Variants in UNC13D observed in about 807,000 individuals in gnomAD.
UNC13D encodes the protein unc-13 homolog D.
In UNC13D, 115 loss-of-function variants were observed where a neutral mutation model predicts 151.7. The ratio of observed to expected loss-of-function variants is 0.76; its 90% CI spans 0.65 to 0.88. The LOEUF (loss-of-function observed/expected upper bound fraction) is 0.88. Ranked by LOEUF, UNC13D falls within the 40% of genes least tolerant of loss-of-function variation. The pLI is 0.00. For synonymous variants in UNC13D, 588 were observed against 612.2 expected (o/e 0.96, Z 0.58); for missense variants, 1,369 against 1,438.7 (o/e 0.95, Z 0.78).
chr17:75,840,074 T>G lies in UNC13D; in HGVS notation c.895A>C (p.Thr299Pro), dbSNP rs2143891988. ...TGCTGCAGGAGGTGGAGGTGCACGG[T>G]GTAGCTCGGCTGCGAGCGGCTGGCC... Reference protein sequence around the residue: ...TSASRSQPSYTVHLHLLQQLV... With the variant: ...TSASRSQPSYPVHLHLLQQLV... Residue 299 changes from threonine (T) to proline (P), a missense_variant, in exon 11 of 32, where the codon ACC becomes CCC. Transcript: ENST00000207549. This position sits in a 1 kb window ranked among gnomAD's most constrained non-coding sequence, Gnocchi z 4.6. 6.2e-7 allele frequency: 1 copy of G among 1,613,486 alleles called. No individual in the cohort carries two copies. Among genetic ancestry groups the G allele is most frequent in the African/African-American group, 1.3e-5 (1 of 75,026 alleles).
Position 75,842,519 on chromosome 17 carries a change from C to A in UNC13D, c.483G>T (p.Val161=). 6.2e-7 allele frequency: 1 copy of A among 1,613,232 alleles called. No homozygotes were observed. Among genetic ancestry groups the A allele is most frequent in the African/African-American group, 1.3e-5 (1 of 75,066 alleles). ...TCTCCTCCTCGGGGATGGTGTGCCT[C>A]ACCACAGCCTTCTGCCGATGCCGGG... ...PGSRHRQKAV[V]RHTIPEEETH... The change falls in exon 6 of 32, where the codon GTG becomes GTT. Residue 161 remains valine, a synonymous_variant. Transcript: ENST00000207549.
chr17:75,844,072 G>C, intron 1 of UNC13D, 149 bp downstream of exon 1: 1 of 1,471,938 alleles, frequency 6.8e-7, no homozygotes, highest in South Asian at 1.3e-5. Flanking sequence ...TGCTGGCCCA[G>C]GGGGCTCTCC....
chr17:75,835,573 A>G (rs1301148095), intron 19 of UNC13D, 44 bp from the exon 20 acceptor site: 1 of 1,608,738 alleles, frequency 6.2e-7, no homozygotes. Context: ...TGGGGCCACC[A>G]TGGACCCTGG....
chr17:75,843,603 C>A, intron 1 of UNC13D, 84 bp from the exon 2 acceptor site: 1 of 1,569,874 alleles, frequency 6.4e-7, no homozygotes. Context: ...GAGGCCTGAT[C>A]CAGGCCAAGG....
In UNC13D at chr17:75,842,348, C is replaced by T. The variant is rs573071738; in HGVS notation, c.569+85G>A. The T allele has an allele frequency of 3.5e-5, 54 of 1,531,674 alleles. No individual in the cohort carries two copies. The East Asian group carries it at 6.5e-4, about 18-fold the overall frequency. 94.9% of individuals were successfully genotyped at this position (1,531,674 alleles called of 1,614,324 possible). ...CCAAACCCCCTCCCCTGAGCCAGGA[C>T]GACCTACTCATCTCATTGTCTGGGG... On this transcript the variant is annotated intron_variant, in intron 6 of 31. Coordinates refer to ENST00000207549, the MANE Select transcript of UNC13D (RefSeq NM_199242.3).
Position 75,840,250 on chromosome 17 carries a change from A to G in UNC13D, c.833T>C (p.Leu278Pro). 1.2e-6 allele frequency: 2 copies of G among 1,613,976 alleles called. No individual in the cohort carries two copies. Among genetic ancestry groups the G allele is most frequent in the Non-Finnish European group, 1.7e-6 (2 of 1,180,018 alleles). ...ETYPDRGQCHLQFQLIHKRRA... is the reference protein window; with the variant it reads ...ETYPDRGQCHPQFQLIHKRRA... ...CCGCTTATGGATGAGTTGGAACTGG[A>G]GGTGGCACTGGCCTCGGTCTGGGTA... Residue 278 changes from leucine (L) to proline (P), a missense_variant, in exon 10 of 32, where the codon CTC becomes CCC. Physicochemically the swap from Leu to Pro is moderately conservative, Grantham distance 98. Coordinates refer to ENST00000207549, the MANE Select transcript of UNC13D (RefSeq NM_199242.3). This position sits in a 1 kb window ranked among gnomAD's most constrained non-coding sequence, Gnocchi z 4.6.
At position 75,831,230 on chromosome 17, in the gene UNC13D, C is replaced by A. The variant is rs2064870273; in HGVS notation, c.2553+13G>T. 4.3e-6 allele frequency: 7 copies of A among 1,614,098 alleles called. No individual in the cohort carries two copies. Among genetic ancestry groups the A allele is most frequent in the Non-Finnish European group, 5.9e-6 (7 of 1,180,016 alleles). On this transcript the variant is annotated intron_variant, in intron 26 of 31. Transcript: ENST00000207549. ...CCCACCAGGGTTATCATTGCTGTGACCGGTTCTGTTACCTGCAGGGCAATC... is the reference window on the plus strand; with the variant it reads ...CCCACCAGGGTTATCATTGCTGTGAACGGTTCTGTTACCTGCAGGGCAATC...
At position 75,835,631 on chromosome 17, in the gene UNC13D, T is replaced by G. The variant is rs746781772; in HGVS notation, c.1727+16A>C. 6.2e-7 allele frequency: 1 copy of G among 1,613,040 alleles called. No homozygotes were observed. The highest frequency in any genetic ancestry group is 1.3e-5 in the African/African-American group (1 of 75,050). On this transcript the variant is annotated intron_variant, in intron 19 of 31. Coordinates refer to ENST00000207549, the MANE Select transcript of UNC13D (RefSeq NM_199242.3). ...CCTGTGCCCCTGCAGCCGCCCACAATTGGCCTGCTGCCCACCTCTCTGAGG... is the reference window on the plus strand; with the variant it reads ...CCTGTGCCCCTGCAGCCGCCCACAAGTGGCCTGCTGCCCACCTCTCTGAGG...
intron 25 of UNC13D, 45 bp from the exon 26 acceptor site, chr17:75,831,393 T>TGGC (rs774574066): frequency 1.3e-6 from 2 of 1,565,522 alleles, no homozygotes; most frequent in Non-Finnish European, 1.7e-6. Flanking sequence ...GGCAGGGCGG[T>TGGC]GGCGGAGGAG....
intron 12 of UNC13D, 102 bp from the exon 13 acceptor site, chr17:75,837,020 C>T: frequency 9.4e-7 from 1 of 1,058,704 alleles, no homozygotes; most frequent in Non-Finnish European, 1.4e-6. Context: ...TCCACCAGTA[C>T]AGGCTGAAAA....
chr17:75,840,592 T>C lies in UNC13D; in HGVS notation c.684-16A>G, dbSNP rs1371494174. 5.6e-6 allele frequency: 9 copies of C among 1,613,844 alleles called. No homozygotes were observed. The highest frequency in any genetic ancestry group is 7.6e-6 in the Non-Finnish European group (9 of 1,179,982). On this transcript the variant is annotated splice_polypyrimidine_tract_variant and intron_variant, in intron 8 of 31. Transcript: ENST00000207549. The surrounding 1 kb of genome is among the most constrained non-coding windows in gnomAD (Gnocchi z 4.6). ...TTTAAAGATCCTGCGTCAGGCAGGG[T>C]CCCATAAGGGGGACGCAGCAAGGGT...
chr17:75,840,054 C>G lies in UNC13D; in HGVS notation c.915G>C (p.Leu305=). ...TGACCTCGTGGGACACAAGCTGCTGCAGGAGGTGGAGGTGCACGGTGTAGC... is the reference window on the plus strand; with the variant it reads ...TGACCTCGTGGGACACAAGCTGCTGGAGGAGGTGGAGGTGCACGGTGTAGC... ...QPSYTVHLHL[L]QQLVSHEVTQ... is the part of the protein sequence containing the mutation. Residue 305 remains leucine (L), a synonymous_variant, in exon 11 of 32, where the codon CTG becomes CTC. Coordinates refer to ENST00000207549, the MANE Select transcript of UNC13D (RefSeq NM_199242.3). The surrounding 1 kb of genome is among the most constrained non-coding windows in gnomAD (Gnocchi z 4.6). The G allele has an allele frequency of 6.2e-7, 1 of 1,613,598 alleles. No individual in the cohort carries two copies. Among genetic ancestry groups the G allele is most frequent in the Non-Finnish European group, 8.5e-7 (1 of 1,179,980 alleles).
In UNC13D at chr17:75,841,003, T is replaced by C. The variant is rs770325118; in HGVS notation, c.570-2A>G. ...GCATTGGTGATGTCCTCAAACTCCC[T>C]GTATGGAGAAAAGGGCGTGGTTGAG... On this transcript the variant is annotated splice_acceptor_variant, in intron 6 of 31. Transcript: ENST00000207549. LOFTEE classifies it high-confidence loss of function. 15 of 1,614,012 alleles carry C rather than the reference T, an allele frequency of 9.3e-6. No individual in the cohort carries two copies. In the Admixed American group the frequency reaches 1.0e-4, roughly 11 times the overall value.
At chr17:75,839,809 C>G in intron 12 of UNC13D, 30 bp downstream of exon 12, 2 of 1,611,268 alleles carry the variant, frequency 1.2e-6, no homozygotes, top group Non-Finnish European at 1.7e-6. Context: ...GCTGGTGGCT[C>G]AGGGGTTCTG....
At chr17:75,830,867 C>T (rs373511016) in intron 27 of UNC13D, among the ~76,000 whole-genome samples, 4 of 152,102 alleles carry the variant, frequency 2.6e-5, no homozygotes, top group African/African-American at 7.2e-5. Context: ...CGTGCTTCCC[C>T]GACCCCACCC....
At chr17:75,838,713 T>C (rs1254289100) in intron 12 of UNC13D, among the ~76,000 whole-genome samples, 1 of 152,186 alleles carries the variant, frequency 6.6e-6, no homozygotes, top group Non-Finnish European at 1.5e-5. Flanking sequence ...CAAATTCAAA[T>C]GCCCAGGACT....
At chr17:75,838,247 C>A (rs1440526320) in intron 12 of UNC13D, among the ~76,000 whole-genome samples, 1 of 150,972 alleles carries the variant, frequency 6.6e-6, no homozygotes, top group African/African-American at 2.4e-5. Context: ...GAGACAGAGC[C>A]TCGCTGTGTC....
rs1375937548 is a variant in UNC13D, at chr17:75,836,231, A to G, written c.1415T>C (p.Leu472Pro). The G allele has an allele frequency of 6.2e-7, 1 of 1,612,470 alleles. No homozygotes were observed. Among genetic ancestry groups the G allele is most frequent in the African/African-American group, 1.3e-5 (1 of 75,008 alleles). Residue 472 changes from leucine (L) to proline (P), a missense_variant, in exon 16 of 32, where the codon CTG (leucine) becomes CCG (proline). Coordinates refer to ENST00000207549, the MANE Select transcript of UNC13D (RefSeq NM_199242.3). ...LQTGTTEWFH[L>P]KQQHHQPMVQ... The stretch of plus-strand genomic sequence containing the variant: ...CATGGGTTGATGGTGCTGCTGCTTC[A>G]GGTGGAACCATTCAGTGGTGCCAGT...
chr17:75,830,964 A>G, intron 27 of UNC13D, 134 bp downstream of exon 27: 3 of 1,152,440 alleles, frequency 2.6e-6, no homozygotes, highest in Middle Eastern at 2.8e-4. Context: ...ATTTGTAATA[A>G]CTTTTGAATA....
Sources: allele counts gnomAD v4.1 joint callset (sites outside exome capture counted in the v4.1 genomes callset), GRCh38; gene constraint gnomAD v4.1.1; non-coding constraint Gnocchi (gnomAD v3.1); transcripts MANE v1.5; gene names NCBI Gene and HGNC (gene_info 2026-07-23, HGNC 2026-07-21).